EBI3: variants seen among roughly 807,000 people sequenced by gnomAD.
EBI3 encodes the protein Epstein-Barr virus induced 3.
EBI3 carries 19 observed loss-of-function variants against 21.3 expected under a neutral mutation model. That is an observed-to-expected ratio of 0.89 (90% confidence interval 0.62 to 1.31). The LOEUF (loss-of-function observed/expected upper bound fraction) is 1.31. EBI3 is among the 50% of genes most tolerant of loss of function. The pLI is 0.00. For missense variants in EBI3, 331 were observed against 314.0 expected (o/e 1.05, Z -0.41); for synonymous variants, 154 against 131.2 (o/e 1.17, Z -1.19).
Position 4,234,716 on chromosome 19 carries a change from C to T in EBI3, c.429C>T (p.Arg143=), listed in dbSNP as rs1238814397. ...EGVRLSPLAE[R]QLQVQWEPPG... is the part of the protein sequence containing the mutation. Reference sequence around the variant, plus strand: ...TGCGCCTAAGCCCCCTCGCTGAGCGCCAGCTACAGGTGCAGTGGGAGCCTC... The same window carrying T: ...TGCGCCTAAGCCCCCTCGCTGAGCGTCAGCTACAGGTGCAGTGGGAGCCTC... The change falls in exon 4 of 5, where the codon CGC becomes CGT. Residue 143 remains arginine, a synonymous_variant. Coordinates refer to ENST00000221847, the MANE Select transcript of EBI3 (RefSeq NM_005755.3). The T allele has an allele frequency of 6.2e-7, 1 of 1,614,174 alleles. No homozygotes were observed. Among genetic ancestry groups the T allele is most frequent in the Non-Finnish European group, 8.5e-7 (1 of 1,180,036 alleles).
chr19:4,233,531 C>A (rs759353533), intron 3 of EBI3, among the ~76,000 whole-genome samples: 10 of 152,142 alleles, frequency 6.6e-5, no homozygotes. Flanking sequence ...GTCCTTCCCA[C>A]AGCAGCCACC....
At position 4,233,145 on chromosome 19, in the gene EBI3, C is replaced by G; in HGVS notation, c.217C>G (p.Arg73Gly). The G allele has an allele frequency of 1.9e-6, 3 of 1,597,212 alleles. No individual in the cohort carries two copies. The highest frequency in any genetic ancestry group is 2.5e-6 in the Non-Finnish European group (3 of 1,177,254). Residue 73 changes from arginine (R) to glycine (G), a missense_variant, in exon 3 of 5, where the codon CGG (arginine) becomes GGG (glycine). Arg to Gly is a moderately radical substitution (Grantham distance 125). Coordinates refer to ENST00000221847, the MANE Select transcript of EBI3 (RefSeq NM_005755.3). ...IATYRLGMAA[R>G]GHSWPCLQQT... is the part of the protein sequence containing the mutation. ...CCTGTGCAGGCTCGGCATGGCTGCC[C>G]GGGGCCACAGCTGGCCCTGCCTGCA...
chr19:4,236,697 G>A lies in EBI3; in HGVS notation c.538-239G>A, dbSNP rs183888007. Among the ~76,000 whole-genome samples, 72 of 152,148 alleles carry A rather than the reference G, an allele frequency of 4.7e-4. 1 individual carries two copies. The highest frequency in any genetic ancestry group is 1.7e-3 in the African/African-American group (72 of 41,510). ...CCTCCTGGGTGAGACATCCACAGGGGCTAGTGTGGTCCAGGAAGGATTCGT... is the reference window on the plus strand; with the variant it reads ...CCTCCTGGGTGAGACATCCACAGGGACTAGTGTGGTCCAGGAAGGATTCGT... On this transcript the variant is annotated intron_variant, in intron 4 of 4. Coordinates refer to ENST00000221847, the MANE Select transcript of EBI3 (RefSeq NM_005755.3).
In EBI3 at chr19:4,233,296, CAG is replaced by C. The variant is rs998706605; in HGVS notation, c.371_372del (p.Glu124AlafsTer18). ...AGCAGCAGCTTCGTGCCTTTCATAA[CAG>C]AGCACATCAGTGAGTGGGGGCGGCA... On this transcript the variant is annotated frameshift_variant, in exon 3 of 5. Coordinates refer to ENST00000221847, the MANE Select transcript of EBI3 (RefSeq NM_005755.3). LOFTEE classifies it high-confidence loss of function. 5 of 1,604,252 alleles carry C rather than the reference CAG, an allele frequency of 3.1e-6. No homozygotes were observed. The African/African-American group carries it at 5.4e-5, about 17-fold the overall frequency.
At chr19:4,232,545 C>CG (rs949941093) in intron 2 of EBI3, among the ~76,000 whole-genome samples, 23 of 150,540 alleles carry the variant, frequency 1.5e-4, no homozygotes, top group Admixed American at 1.5e-3. Flanking sequence ...TACTGAGACC[C>CG]CCCCCCATCT....
rs1970850050 is a variant in EBI3, at chr19:4,237,369, G to A, written c.*281G>A. On this transcript the variant is annotated 3_prime_UTR_variant, in exon 5 of 5. Transcript: ENST00000221847. Reference sequence around the variant, plus strand: ...TGAGATATTTTTTATTGTTTAATTAGAAAAGAATTGTTGTTGGGCTGGGCG... The same window carrying A: ...TGAGATATTTTTTATTGTTTAATTAAAAAAGAATTGTTGTTGGGCTGGGCG... 1 of 248,694 alleles carries A rather than the reference G, an allele frequency of 4.0e-6. No individual in the cohort carries two copies. The highest frequency in any genetic ancestry group is 5.5e-5 in the Admixed American group (1 of 18,044). 15.4% of individuals were successfully genotyped at this position (248,694 alleles called of 1,614,324 possible). A position where few individuals can be genotyped will look rare whatever the true frequency, so the allele number is the denominator to read the frequency against.
In EBI3 at chr19:4,236,518, C is replaced by CAAAAAAAAAAAAAAAA; in HGVS notation, c.538-408_538-393dup. Among the ~76,000 whole-genome samples the CAAAAAAAAAAAAAAAA allele has an allele frequency of 4.3e-4, 13 of 30,508 alleles. 4 individuals are homozygous for CAAAAAAAAAAAAAAAA. The highest frequency in any genetic ancestry group is 1.3e-3 in the African/African-American group (9 of 6,720). The allele number at this position is 30,508 out of a possible 152,430, so 20.0% of individuals were successfully genotyped here. Reference sequence around the variant, plus strand: ...CCTGGGCAACAGAGTAAGACTGTCTCAAAAAAAAAAAAAAAAAAAAAAAAA... The same window carrying CAAAAAAAAAAAAAAAA: ...CCTGGGCAACAGAGTAAGACTGTCTCAAAAAAAAAAAAAAAAAAAAAAAAAAAAAAAAAAAAAAAAA... On this transcript the variant is annotated intron_variant, in intron 4 of 4. Coordinates refer to ENST00000221847, the MANE Select transcript of EBI3 (RefSeq NM_005755.3).
At chr19:4,232,774 ATTAAT>A (rs1970798868) in intron 2 of EBI3, among the ~76,000 whole-genome samples, 2 of 128,152 alleles carry the variant, frequency 1.6e-5, no homozygotes, top group African/African-American at 7.5e-5. Flanking sequence ...GAAGGAATGA[ATTAAT>A]GAATGAATGA....
intron 3 of EBI3, among the ~76,000 whole-genome samples, chr19:4,234,073 G>A (rs1437489333): frequency 6.6e-6 from 1 of 152,306 alleles, no homozygotes; most frequent in Middle Eastern, 3.4e-3. Context: ...GGGCATAGTG[G>A]CAGGTGCCTG....
intron 1 of EBI3, 50 bp from the exon 2 acceptor site, chr19:4,231,141 A>G (rs1398002297): frequency 1.3e-6 from 2 of 1,516,904 alleles, no homozygotes; most frequent in Non-Finnish European, 1.8e-6. Flanking sequence ...CGGGAGGGCT[A>G]TGACAATCTG....
chr19:4,234,968 C>G, intron 4 of EBI3, 144 bp downstream of exon 4: 1 of 1,216,476 alleles, frequency 8.2e-7, no homozygotes. Flanking sequence ...AATCTGATTC[C>G]TAGGCCTCTA....
chr19:4,232,236 A>AAAAAAAAG (rs1970790333), intron 2 of EBI3, among the ~76,000 whole-genome samples: 1 of 144,462 alleles, frequency 6.9e-6, no homozygotes, highest in Non-Finnish European at 1.5e-5. Context: ...AAAAAAAAAA[A>AAAAAAAAG]AAAAAAAAAG....
chr19:4,230,390 G>A (rs562199987), intron 1 of EBI3, among the ~76,000 whole-genome samples: 3 of 150,916 alleles, frequency 2.0e-5, no homozygotes, highest in South Asian at 4.2e-4. Flanking sequence ...TAGTGAAACC[G>A]GACCCCACCA....
chr19:4,229,748 T>TC, intron 1 of EBI3, 131 bp downstream of exon 1: 1 of 929,184 alleles, frequency 1.1e-6, no homozygotes, highest in Non-Finnish European at 1.6e-6. Context: ...TACCCTCCCA[T>TC]TGTACAGATG....
chr19:4,234,119 T>G (rs1970815441), intron 3 of EBI3, among the ~76,000 whole-genome samples: 3 of 152,152 alleles, frequency 2.0e-5, no homozygotes, highest in South Asian at 4.1e-4. Context: ...GGCACGAGAA[T>G]CACTTGAACC....
At chr19:4,232,842 A>T (rs924209493) in intron 2 of EBI3, among the ~76,000 whole-genome samples, 1 of 143,416 alleles carries the variant, frequency 7.0e-6, no homozygotes, top group African/African-American at 2.9e-5. Flanking sequence ...GAATGGATGG[A>T]TGAATGAATG....
At position 4,234,981 on chromosome 19, in the gene EBI3, G is replaced by A. The variant is rs571966937; in HGVS notation, c.537+157G>A. The stretch of plus-strand genomic sequence containing the variant: ...GCAATCTGATTCCTAGGCCTCTACC[G>A]AAAAGGATGGAAAGCAGGGACTTGC... On this transcript the variant is annotated intron_variant, in intron 4 of 4. Transcript: ENST00000221847. Among the ~76,000 whole-genome samples the A allele has an allele frequency of 3.5e-4, 54 of 152,224 alleles. No individual in the cohort carries two copies. In the South Asian group the frequency reaches 0.011, roughly 32 times the overall value.
chr19:4,234,805 G>A lies in EBI3; in HGVS notation c.518G>A (p.Gly173Glu). Residue 173 changes from glycine to glutamate, a missense_variant, in exon 4 of 5, where the codon GGA becomes GAA. Physicochemically the swap from Gly to Glu is moderately conservative, Grantham distance 98 (BLOSUM62 -2). Transcript: ENST00000221847. ...LKYWIRYKRQ[G>E]AARFHRVGPI... The stretch of plus-strand genomic sequence containing the variant: ...TACTGGATCCGTTACAAGCGTCAGG[G>A]AGCTGCGCGCTTCCACCGGGTGAGG... 1 of 1,614,054 alleles carries A rather than the reference G, an allele frequency of 6.2e-7. No individual in the cohort carries two copies. Among genetic ancestry groups the A allele is most frequent in the Non-Finnish European group, 8.5e-7 (1 of 1,179,996 alleles).
intron 3 of EBI3, among the ~76,000 whole-genome samples, chr19:4,234,275 A>G (rs911806408): frequency 2.0e-5 from 3 of 152,108 alleles, no homozygotes; most frequent in African/African-American, 7.2e-5. Context: ...TTTCTTCCCT[A>G]TTCTGTGTGA....
Sources: allele counts gnomAD v4.1 joint callset (sites outside exome capture counted in the v4.1 genomes callset), GRCh38; gene constraint gnomAD v4.1.1; transcripts MANE v1.5; gene names NCBI Gene and HGNC (gene_info 2026-07-23, HGNC 2026-07-21).